TIAM2: variants seen among roughly 807,000 people sequenced by gnomAD.
TIAM2 encodes the protein rho guanine nucleotide exchange factor TIAM2.
Under a neutral mutation model 152.9 loss-of-function variants are expected in TIAM2, and 80 were observed. That is an observed-to-expected ratio of 0.52 (90% CI 0.44 to 0.63). The LOEUF is 0.63. TIAM2 is among the 30% of genes least tolerant of loss of function. The pLI is 0.00. For synonymous variants in TIAM2, 804 were observed against 838.0 expected (o/e 0.96, Z 0.70); for missense variants, 1,965 against 2,120.1 (o/e 0.93, Z 1.44).
intron 2 of TIAM2, among the ~76,000 whole-genome samples, chr6:155,123,579 G>A (rs1044297927): frequency 3.3e-5 from 5 of 152,208 alleles, no homozygotes; most frequent in African/African-American, 1.2e-4. Context: ...AAAGTAGTAA[G>A]ATGAGCTTAG....
chr6:155,256,479 T>C lies in TIAM2; in HGVS notation c.4469-5T>C, dbSNP rs1784037613. 2 of 1,614,054 alleles carry C rather than the reference T, an allele frequency of 1.2e-6. No homozygotes were observed. The highest frequency in any genetic ancestry group is 1.1e-5 in the South Asian group (1 of 91,054). On this transcript the variant is annotated splice_polypyrimidine_tract_variant and splice_region_variant and intron_variant, in intron 26 of 26. Transcript: ENST00000682666. ...TCACAGCGAAATGTGTTTTTCTCAC[T>C]GTAGCTTCATCCAGGTCTTTAAAAG...
At position 155,177,968 on chromosome 6, in the gene TIAM2, T is replaced by C. The variant is rs564969336; in HGVS notation, c.2523+991T>C. On this transcript the variant is annotated intron_variant, in intron 10 of 26. Coordinates refer to ENST00000682666, the MANE Select transcript of TIAM2 (RefSeq NM_012454.4). ...GGAGGTCAGGAGATCGAGACCATCC[T>C]GGCTAACACGGTGAAACCCCGTCTC... Among the ~76,000 whole-genome samples, 570 of 152,156 alleles carry C rather than the reference T, an allele frequency of 3.7e-3. 1 individual carries two copies. The highest frequency in any genetic ancestry group is 0.013 in the African/African-American group (548 of 41,514).
intron 14 of TIAM2, among the ~76,000 whole-genome samples, chr6:155,202,088 C>T (rs1781483220): frequency 6.6e-6 from 1 of 152,178 alleles, no homozygotes; most frequent in Non-Finnish European, 1.5e-5. Flanking sequence ...TGATTTTTAT[C>T]TATATTAAGA....
intron 1 of TIAM2, among the ~76,000 whole-genome samples, chr6:155,053,466 C>CTTTTTTTTTT (rs11401916): frequency 7.9e-6 from 1 of 127,308 alleles, no homozygotes; most frequent in Non-Finnish European, 1.6e-5. Flanking sequence ...ATTCTTGCAG[C>CTTTTTTTTTT]TTTTTTTTTT....
At chr6:155,216,227 GTCTCT>G (rs1414711267) in intron 15 of TIAM2, among the ~76,000 whole-genome samples, 2 of 152,084 alleles carry the variant, frequency 1.3e-5, no homozygotes, top group African/African-American at 4.8e-5. Context: ...TCAGAAGGTG[GTCTCT>G]TCTCAGGGAG....
chr6:155,100,024 G>T (rs954939914), intron 2 of TIAM2, among the ~76,000 whole-genome samples: 1 of 148,512 alleles, frequency 6.7e-6, no homozygotes, highest in South Asian at 2.1e-4. Context: ...TCATAATCAC[G>T]TGGAACCACC....
chr6:155,144,178 G>C (rs1190647567), intron 5 of TIAM2, among the ~76,000 whole-genome samples: 8 of 152,138 alleles, frequency 5.3e-5, no homozygotes, highest in African/African-American at 1.9e-4. Context: ...GACTATTTCT[G>C]TGATTCTGTG....
chr6:155,013,204 G>A lies in TIAM2; in HGVS notation c.-209+17712G>A, dbSNP rs17085863. ...TCCTGTAGTACAGCTGAGGTTTGGGGTCTACAGCTGGCTTAGTCTGTGCTC... is the reference window on the plus strand; with the variant it reads ...TCCTGTAGTACAGCTGAGGTTTGGGATCTACAGCTGGCTTAGTCTGTGCTC... On this transcript the variant is annotated intron_variant, in intron 1 of 26. Transcript: ENST00000682666. 8.0e-3 allele frequency among the ~76,000 whole-genome samples: 1,180 copies of A among 147,776 alleles called. 10 individuals are homozygous for A. The highest frequency in any genetic ancestry group is 0.026 in the African/African-American group (1,079 of 40,728).
chr6:155,114,036 A>ATATTTTTTTTTT lies in TIAM2; in HGVS notation c.-117-13453_-117-13452insATTTTTTTTTTT. Among the ~76,000 whole-genome samples the ATATTTTTTTTTT allele has an allele frequency of 3.7e-4, 13 of 34,904 alleles. 2 individuals carry two copies. Among genetic ancestry groups the ATATTTTTTTTTT allele is most frequent in the Non-Finnish European group, 5.0e-4 (10 of 20,000 alleles). 22.9% of individuals were successfully genotyped at this position (34,904 alleles called of 152,430 possible). Reference sequence around the variant, plus strand: ...ACTTTATATATATATATATATATATATTTTTTTTTTTTTCTTTTTTTTTTT... The same window carrying ATATTTTTTTTTT: ...ACTTTATATATATATATATATATATATATTTTTTTTTTTTTTTTTTTTTTTCTTTTTTTTTTT... On this transcript the variant is annotated intron_variant, in intron 2 of 26. Transcript: ENST00000682666.
chr6:155,094,829 C>T (rs770923246), intron 2 of TIAM2, among the ~76,000 whole-genome samples: 8 of 151,380 alleles, frequency 5.3e-5, no homozygotes, highest in South Asian at 2.1e-4. Flanking sequence ...GTGATCCGCC[C>T]GCGTCAGCCT....
intron 19 of TIAM2, among the ~76,000 whole-genome samples, chr6:155,247,036 A>C (rs1209518630): frequency 1.3e-5 from 2 of 152,230 alleles, no homozygotes; most frequent in African/African-American, 4.8e-5. Flanking sequence ...GGCAGTTTTC[A>C]CTGCCAGAGA....
intron 5 of TIAM2, among the ~76,000 whole-genome samples, chr6:155,141,070 T>C (rs1343035818): frequency 6.6e-6 from 1 of 152,234 alleles, no homozygotes; most frequent in Admixed American, 6.5e-5. Context: ...GCCTGAGTTG[T>C]CACTGAGCAT....
At chr6:155,208,005 C>T (rs1781633682) in intron 14 of TIAM2, among the ~76,000 whole-genome samples, 1 of 152,076 alleles carries the variant, frequency 6.6e-6, no homozygotes, top group Non-Finnish European at 1.5e-5. Flanking sequence ...TCTTGGGCTC[C>T]AAAGCTCCTT....
At chr6:155,172,817 T>C (rs1380509009) in intron 9 of TIAM2, among the ~76,000 whole-genome samples, 1 of 149,220 alleles carries the variant, frequency 6.7e-6, no homozygotes, top group Non-Finnish European at 1.5e-5. Flanking sequence ...TAATTTAACA[T>C]AGCAGCATCT....
At chr6:155,113,792 G>C (rs546571256) in intron 2 of TIAM2, among the ~76,000 whole-genome samples, 1 of 151,940 alleles carries the variant, frequency 6.6e-6, no homozygotes, top group African/African-American at 2.4e-5. Flanking sequence ...TGAGAGCAGG[G>C]ATACTTCTTT....
chr6:155,115,215 A>G (rs1433959395), intron 2 of TIAM2, among the ~76,000 whole-genome samples: 1 of 151,928 alleles, frequency 6.6e-6, no homozygotes, highest in Non-Finnish European at 1.5e-5. Context: ...GAAGTACAAA[A>G]TAATTTAAAA....
intron 1 of TIAM2, among the ~76,000 whole-genome samples, chr6:155,000,529 C>CAAAAAA (rs58867200): frequency 1.0e-5 from 1 of 97,722 alleles, no homozygotes; most frequent in Non-Finnish European, 1.9e-5. Flanking sequence ...GAAACTGTTG[C>CAAAAAA]AAAAAAAAAA....
At chr6:155,015,661 G>T (rs1213951459) in intron 1 of TIAM2, among the ~76,000 whole-genome samples, 1 of 152,090 alleles carries the variant, frequency 6.6e-6, no homozygotes, top group Non-Finnish European at 1.5e-5. Context: ...TTTAGGCCGG[G>T]CGCGGTGGCT....
intron 7 of TIAM2, among the ~76,000 whole-genome samples, chr6:155,162,486 G>A (rs1283446974): frequency 2.0e-5 from 3 of 152,202 alleles, no homozygotes; most frequent in Admixed American, 6.5e-5. Flanking sequence ...TGAGATGATA[G>A]TTTTTACTGA....
Sources: allele counts gnomAD v4.1 joint callset (sites outside exome capture counted in the v4.1 genomes callset), GRCh38; gene constraint gnomAD v4.1.1; transcripts MANE v1.5; gene names NCBI Gene and HGNC (gene_info 2026-07-23, HGNC 2026-07-21).